LRRD1: variants seen among roughly 807,000 people sequenced by gnomAD.
LRRD1 encodes leucine rich repeats and death domain containing 1, also known as leucine-rich repeat and death domain-containing protein 1.
A neutral mutation model predicts 69.5 loss-of-function variants in LRRD1; 49 were observed. That is an observed-to-expected ratio of 0.70 (90% confidence interval 0.56 to 0.89). LRRD1 has a LOEUF of 0.89. Among genes scored for constraint, LRRD1 ranks in the 40% least tolerant of loss-of-function variants. LRRD1 has a pLI of 0.00. For synonymous variants in LRRD1, 303 were observed against 338.9 expected, an observed-to-expected ratio of 0.89 and a Z score of 1.16; for missense variants, 853 against 956.0, an observed-to-expected ratio of 0.89 and a Z score of 1.42.
At chr7:92,144,327 T>A (rs1820256921), downstream of LRRD1, among the ~76,000 whole-genome samples, 2 of 151,984 alleles carry the variant, frequency 1.3e-5, no homozygotes, top group Middle Eastern at 3.4e-3. Flanking sequence ...AACAGAAAAA[T>A]TTTAATAGAA....
rs1271405231 is a variant in LRRD1 at position 92,164,536 on chromosome 7, T to C, written c.667A>G (p.Ile223Val). The C allele has an allele frequency of 1.9e-6, 3 of 1,550,296 alleles. No individual in the cohort carries two copies. Among genetic ancestry groups the C allele is most frequent in the South Asian group, 2.4e-5 (2 of 83,944 alleles). ...GATATTTCTTTAGGTATATGTGATATGTGGTTATGACTGACATTTAATATC... is the reference window on the plus strand; with the variant it reads ...GATATTTCTTTAGGTATATGTGATACGTGGTTATGACTGACATTTAATATC... The part of the protein sequence containing the change: ...LRILNVSHNH[I>V]SHIPKEISQL... Residue 223 changes from isoleucine to valine, a missense_variant, in exon 2 of 6, where the codon ATA becomes GTA. Around this residue, in one of 3 missense-constraint regions of LRRD1, gnomAD observed 739 missense variants for 808.0 expected, o/e 0.91. Coordinates refer to ENST00000458448, the MANE Select transcript of LRRD1 (RefSeq NM_001161528.2).
intron 1 of LRRD1, among the ~76,000 whole-genome samples, chr7:92,172,809 A>G (rs757151714): frequency 1.6e-4 from 24 of 152,180 alleles, no homozygotes; most frequent in Non-Finnish European, 2.8e-4. Context: ...CAAAATACCA[A>G]TGACATTCTT....
chr7:92,160,046 T>C (rs1788765568), intron 2 of LRRD1, among the ~76,000 whole-genome samples: 1 of 152,202 alleles, frequency 6.6e-6, no homozygotes. Context: ...TGTTTAATAA[T>C]GGAGTCACAG....
In LRRD1 at chr7:92,164,916, G is replaced by C. The variant is rs1788874131; in HGVS notation, c.287C>G (p.Thr96Ser). The C allele has an allele frequency of 1.3e-6, 2 of 1,551,416 alleles. No individual in the cohort carries two copies. The highest frequency in any genetic ancestry group is 1.4e-5 in the African/African-American group (1 of 73,036). ...QFSETSTRTG[T>S]SQSLSSLTGR... ...AGTTAGTGATGATAAACTCTGTGAA[G>C]TTCCTGTTCTAGTGCTTGTTTCAGA... is the stretch of plus-strand genomic sequence containing the variant. Residue 96 changes from threonine to serine, a missense_variant, in exon 2 of 6, where the codon ACT (threonine) becomes AGT (serine). Coordinates refer to ENST00000458448, the MANE Select transcript of LRRD1 (RefSeq NM_001161528.2).
chr7:92,168,348 A>G (rs574191593), intron 1 of LRRD1, among the ~76,000 whole-genome samples: 1 of 152,298 alleles, frequency 6.6e-6, no homozygotes, highest in African/African-American at 2.4e-5. Context: ...GGGAGTGCCT[A>G]TAGGAAGAAA....
intron 1 of LRRD1, among the ~76,000 whole-genome samples, chr7:92,171,790 C>A (rs1789062526): frequency 6.6e-6 from 1 of 152,166 alleles, no homozygotes; most frequent in Non-Finnish European, 1.5e-5. Context: ...AAAATGAATT[C>A]ATCAACACAT....
intron 1 of LRRD1, among the ~76,000 whole-genome samples, chr7:92,174,013 C>T (rs562464133): frequency 6.2e-4 from 94 of 152,050 alleles, no homozygotes; most frequent in Middle Eastern, 6.8e-3. Flanking sequence ...AGAATAAAAT[C>T]CTGTCATTTG....
At chr7:92,176,691 G>A (rs535804245) in intron 1 of LRRD1, among the ~76,000 whole-genome samples, 239 of 151,934 alleles carry the variant, frequency 1.6e-3, no homozygotes, top group Admixed American at 3.1e-3. Context: ...AGCCTCCTGA[G>A]TAGCTGGGAC....
At position 92,144,887 on chromosome 7, in the gene LRRD1, G is replaced by T; in HGVS notation, c.*1C>A. On this transcript the variant is annotated 3_prime_UTR_variant, in exon 6 of 6. Coordinates refer to ENST00000458448, the MANE Select transcript of LRRD1 (RefSeq NM_001161528.2). ...TTCAGTTTTTATTATTGATCCACTG[G>T]TTAGAATTTAATTGCACGCGTAAAA... is the stretch of plus-strand genomic sequence containing the variant. 6.8e-7 allele frequency: 1 copy of T among 1,464,566 alleles called. No homozygotes were observed. The highest frequency in any genetic ancestry group is 1.5e-5 in the South Asian group (1 of 67,762). 90.7% of individuals were successfully genotyped at this position (1,464,566 alleles called of 1,614,324 possible).
chr7:92,144,469 A>C (rs934855388), downstream of LRRD1, among the ~76,000 whole-genome samples: 5 of 152,050 alleles, frequency 3.3e-5, no homozygotes, highest in African/African-American at 1.2e-4. Context: ...TCTACTAAAA[A>C]TACAAAAATT....
At chr7:92,166,516 A>C (rs1788914345) in intron 1 of LRRD1, among the ~76,000 whole-genome samples, 1 of 152,242 alleles carries the variant, frequency 6.6e-6, no homozygotes, top group Non-Finnish European at 1.5e-5. Context: ...AAGAACAAAA[A>C]TGTAAAAATT....
At chr7:92,168,678 A>G (rs1788981188) in intron 1 of LRRD1, among the ~76,000 whole-genome samples, 1 of 151,940 alleles carries the variant, frequency 6.6e-6, no homozygotes, top group South Asian at 2.1e-4. Context: ...AAAAAAAAAG[A>G]AAGAATCAAC....
At chr7:92,171,267 A>C (rs1330705441) in intron 1 of LRRD1, among the ~76,000 whole-genome samples, 1 of 152,070 alleles carries the variant, frequency 6.6e-6, no homozygotes, top group Non-Finnish European at 1.5e-5. Context: ...TGAAAAGATA[A>C]ATCAACAAAC....
Position 92,164,231 on chromosome 7 carries a change from C to A in LRRD1, c.972G>T (p.Glu324Asp). The A allele has an allele frequency of 6.5e-7, 1 of 1,549,564 alleles. No individual in the cohort carries two copies. Among genetic ancestry groups the A allele is most frequent in the Non-Finnish European group, 8.7e-7 (1 of 1,146,350 alleles). The change falls in exon 2 of 6, where the codon GAG becomes GAT. Residue 324 changes from glutamate to aspartate, a missense_variant. Coordinates refer to ENST00000458448, the MANE Select transcript of LRRD1 (RefSeq NM_001161528.2). Reference protein sequence around the residue: ...LISSLPKEIRELKNLETLLMD... With the variant: ...LISSLPKEIRDLKNLETLLMD... Reference sequence around the variant, plus strand: ...TTAAAAGTGTTTCTAAATTTTTAAGCTCTCTAATTTCTTTTGGCAAACTGC... The same window carrying A: ...TTAAAAGTGTTTCTAAATTTTTAAGATCTCTAATTTCTTTTGGCAAACTGC...
intron 1 of LRRD1, among the ~76,000 whole-genome samples, chr7:92,166,689 T>C (rs539630286): frequency 1.3e-5 from 2 of 152,330 alleles, no homozygotes; most frequent in East Asian, 3.9e-4. Context: ...GAAAATCCCA[T>C]GTAAATATTG....
intron 3 of LRRD1, among the ~76,000 whole-genome samples, chr7:92,152,145 G>GTGTGTGTGTGTC (rs1395780857): frequency 6.8e-6 from 1 of 147,302 alleles, no homozygotes; most frequent in Non-Finnish European, 1.5e-5. Flanking sequence ...CTGGGAGTGT[G>GTGTGTGTGTGTC]TGTGTGTGTG....
At chr7:92,177,334 A>G (rs1789219712) in intron 1 of LRRD1, among the ~76,000 whole-genome samples, 1 of 152,126 alleles carries the variant, frequency 6.6e-6, no homozygotes, top group Non-Finnish European at 1.5e-5. Flanking sequence ...AGCATTTTAC[A>G]TATTTTGGGA....
At chr7:92,155,250 A>G (rs1463445962) in intron 3 of LRRD1, among the ~76,000 whole-genome samples, 1 of 152,214 alleles carries the variant, frequency 6.6e-6, no homozygotes, top group Non-Finnish European at 1.5e-5. Flanking sequence ...GCACTGTGAT[A>G]CTGTGACAGT....
At chr7:92,146,356 G>A (rs1457876965) in intron 4 of LRRD1, among the ~76,000 whole-genome samples, 156 bp from the exon 5 acceptor site, 1 of 152,266 alleles carries the variant, frequency 6.6e-6, no homozygotes, top group Non-Finnish European at 1.5e-5. Context: ...AGTGGCTCAC[G>A]CCTGTAATCC....
Sources: allele counts gnomAD v4.1 joint callset (sites outside exome capture counted in the v4.1 genomes callset), GRCh38; gene constraint gnomAD v4.1.1; regional missense constraint gnomAD v4.1.1; transcripts MANE v1.5; gene names NCBI Gene and HGNC (gene_info 2026-07-23, HGNC 2026-07-21).